Variants in PHF24 observed in about 807,000 individuals in gnomAD.
PHF24 encodes PHD finger protein 24.
PHF24 carries 25 observed loss-of-function variants against 42.6 expected under a neutral mutation model. The ratio of observed to expected loss-of-function variants is 0.59; its 90% confidence interval spans 0.43 to 0.82. The LOEUF (loss-of-function observed/expected upper bound fraction) is 0.82, where lower values mean the gene tolerates loss of function less well. PHF24 is among the 40% of genes least tolerant of loss of function. PHF24 has a pLI of 0.00. For synonymous variants in PHF24, 185 were observed against 204.8 expected, an observed-to-expected ratio of 0.90 and a Z score of 0.83; for missense variants, 470 against 538.1, an observed-to-expected ratio of 0.87 and a Z score of 1.25.
chr9:34,843,449 C>G, the PHF24 span, among the ~76,000 whole-genome samples: 63 of 152,162 alleles, frequency 4.1e-4, no homozygotes, highest in Non-Finnish European at 7.8e-4. Context: ...TTCCATTGAT[C>G]TATTTGTCTT....
chr9:34,904,523 C>T, the PHF24 span, among the ~76,000 whole-genome samples: 3 of 151,928 alleles, frequency 2.0e-5, no homozygotes, highest in Non-Finnish European at 4.4e-5. Flanking sequence ...TGATATATCA[C>T]ATTTATTGAC....
chr9:34,731,001 A>G, the PHF24 span, among the ~76,000 whole-genome samples: 1 of 152,228 alleles, frequency 6.6e-6, no homozygotes, highest in African/African-American at 2.4e-5. Context: ...TCAATCCCTA[A>G]GACTATTTTT....
chr9:34,712,494 T>A, the PHF24 span, among the ~76,000 whole-genome samples: 25 of 152,182 alleles, frequency 1.6e-4, no homozygotes, highest in African/African-American at 6.0e-4. Flanking sequence ...TTAATTGTCT[T>A]ATCATCAAGA....
the PHF24 span, among the ~76,000 whole-genome samples, chr9:34,694,344 T>C: frequency 6.6e-6 from 1 of 151,538 alleles, no homozygotes. Context: ...TAATTTTTTT[T>C]TTTGAGATGG....
chr9:34,980,369 T>A (rs1158140202), exon 8 of PHF24: 1 of 152,240 alleles, frequency 6.6e-6, no homozygotes, highest in East Asian at 1.9e-4. Context: ...CTTCTCCCTA[T>A]TCCAGAACAG....
At chr9:34,857,262 C>T in the PHF24 span, among the ~76,000 whole-genome samples, 3 of 152,164 alleles carry the variant, frequency 2.0e-5, no homozygotes, top group Non-Finnish European at 2.9e-5. Context: ...CGTGGGATAA[C>T]GCCACTTGAC....
the PHF24 span, chr9:34,837,792 CTA>C: frequency 1.2e-6 from 1 of 806,490 alleles, no homozygotes; most frequent in Non-Finnish European, 2.1e-6. Flanking sequence ...CACTCCCTTT[CTA>C]TATATCTATC....
chr9:34,731,431 A>G, the PHF24 span, among the ~76,000 whole-genome samples: 1 of 152,068 alleles, frequency 6.6e-6, no homozygotes, highest in African/African-American at 2.4e-5. Flanking sequence ...CTCCCACCCA[A>G]ACCCCCACAC....
the PHF24 span, among the ~76,000 whole-genome samples, chr9:34,919,798 T>C: frequency 4.0e-5 from 6 of 151,378 alleles, no homozygotes; most frequent in Admixed American, 2.6e-4. Flanking sequence ...AGTGAGAACA[T>C]GCAAAGTTTG....
the PHF24 span, among the ~76,000 whole-genome samples, chr9:34,802,898 C>T: frequency 5.9e-5 from 9 of 152,268 alleles, no homozygotes; most frequent in Admixed American, 6.5e-5. Flanking sequence ...CCTTCCCAAA[C>T]GGGTTTTGAG....
At chr9:34,802,536 A>C in the PHF24 span, among the ~76,000 whole-genome samples, 2 of 152,348 alleles carry the variant, frequency 1.3e-5, no homozygotes, top group East Asian at 3.9e-4. Flanking sequence ...TGTTTAAAAA[A>C]ATATTGAAAA....
At chr9:34,755,998 G>A in the PHF24 span, among the ~76,000 whole-genome samples, 1 of 152,050 alleles carries the variant, frequency 6.6e-6, no homozygotes, top group African/African-American at 2.4e-5. Flanking sequence ...TTCATAAAAC[G>A]TATTACCAGA....
At chr9:34,961,926 G>A (rs1018776463) in intron 1 of PHF24, among the ~76,000 whole-genome samples, 7 of 152,130 alleles carry the variant, frequency 4.6e-5, no homozygotes, top group Admixed American at 2.6e-4. Context: ...GGGCTAATTG[G>A]CTCTCTCTCT....
At chr9:34,666,570 T>TTTTC in the PHF24 span, among the ~76,000 whole-genome samples, 2 of 151,234 alleles carry the variant, frequency 1.3e-5, no homozygotes, top group Admixed American at 6.6e-5. Flanking sequence ...TTTTTTTTTT[T>TTTTC]GCTACATTCA....
chr9:34,759,412 G>A, the PHF24 span, among the ~76,000 whole-genome samples: 3 of 152,040 alleles, frequency 2.0e-5, no homozygotes, highest in Non-Finnish European at 4.4e-5. Context: ...AACCTCATGC[G>A]GCCCTGCATA....
chr9:34,674,897 C>T, the PHF24 span, among the ~76,000 whole-genome samples: 2 of 152,234 alleles, frequency 1.3e-5, no homozygotes, highest in South Asian at 4.1e-4. Context: ...GACAGGGTCT[C>T]GCTCTGTCAC....
At chr9:34,744,874 TA>T in the PHF24 span, among the ~76,000 whole-genome samples, 31 of 147,784 alleles carry the variant, frequency 2.1e-4, no homozygotes, top group Admixed American at 4.0e-4. Context: ...TTGGCAAGAT[TA>T]AAAAAAAAAA....
At chr9:34,922,988 T>A in the PHF24 span, 3 of 953,088 alleles carry the variant, frequency 3.1e-6, no homozygotes, top group Middle Eastern at 3.0e-4. Context: ...ACCTGGGGGG[T>A]GCTGCTGGGC....
chr9:34,738,588 C>T, the PHF24 span, among the ~76,000 whole-genome samples: 10 of 152,194 alleles, frequency 6.6e-5, no homozygotes, highest in East Asian at 3.9e-4. Flanking sequence ...CCTCATGATC[C>T]GCCTGCCTCA....
Sources: gnomAD v4.1 joint callset for allele counts (sites outside exome capture counted in the v4.1 genomes callset) on GRCh38, gnomAD v4.1.1 for gene constraint, MANE v1.5 for transcripts, NCBI Gene and HGNC (gene_info 2026-07-23, HGNC 2026-07-21) for gene names.